AGBL1: variants seen among roughly 807,000 people sequenced by gnomAD.
The protein encoded by AGBL1 is cytosolic carboxypeptidase 4.
AGBL1 carries 130 observed loss-of-function variants against 118.9 expected under a neutral mutation model. The ratio of observed to expected loss-of-function variants is 1.09; its 90% CI spans 0.95 to 1.26. The LOEUF (loss-of-function observed/expected upper bound fraction) is 1.26. AGBL1 is among the 50% of genes most tolerant of loss of function. The pLI is 0.00. For synonymous variants in AGBL1, 555 were observed against 478.9 expected, an observed-to-expected ratio of 1.16 and a Z score of -2.08; for missense variants, 1,584 against 1,298.1, an observed-to-expected ratio of 1.22 and a Z score of -3.38.
intron 1 of AGBL1, among the ~76,000 whole-genome samples, chr15:86,134,599 G>T (rs2076861305): frequency 7.2e-6 from 1 of 139,566 alleles, no homozygotes; most frequent in African/African-American, 2.7e-5. Flanking sequence ...ATGGATCAAT[G>T]GTGCCTTTTT....
At chr15:86,285,754 A>T (rs1241532548) in intron 16 of AGBL1, among the ~76,000 whole-genome samples, 1 of 152,232 alleles carries the variant, frequency 6.6e-6, no homozygotes, top group Non-Finnish European at 1.5e-5. Flanking sequence ...AAATGTAATA[A>T]TAATAATAAC....
rs2079775627 is a variant in AGBL1, at chr15:86,874,409, C to CACACA, written c.3159-32678_3159-32677insACACA. On this transcript the variant is annotated intron_variant, in intron 22 of 22. Transcript: ENST00000614907. ...ACACACACACACACACACACACACA[C>CACACA]CCTGGGGCCAGTAACCTATGCATAA... Among the ~76,000 whole-genome samples the CACACA allele has an allele frequency of 4.0e-5, 6 of 151,100 alleles. No individual in the cohort carries two copies. The South Asian group carries it at 1.3e-3, about 32-fold the overall frequency.
chr15:86,339,889 C>G (rs2080435202), intron 17 of AGBL1, among the ~76,000 whole-genome samples: 1 of 151,948 alleles, frequency 6.6e-6, no homozygotes, highest in Non-Finnish European at 1.5e-5. Context: ...TCACTTGAAC[C>G]TGGGAGGCAG....
intron 22 of AGBL1, among the ~76,000 whole-genome samples, chr15:86,852,377 G>T (rs1356928899): frequency 6.6e-6 from 1 of 152,044 alleles, no homozygotes; most frequent in South Asian, 2.1e-4. Context: ...TCCCTCCTTC[G>T]ACACATGTGG....
Position 86,963,421 on chromosome 15 carries a change from C to T in AGBL1, c.3222-24566C>T, listed in dbSNP as rs191842748. On this transcript the variant is annotated intron_variant, in intron 23 of 24. Coordinates refer to the AGBL1 transcript ENST00000441037. ...AATTATATCATTTCAAAAATGCTTT[C>T]TTTGGATTAGTGCTGTCCTCAGATC... Among the ~76,000 whole-genome samples, 4 of 151,866 alleles carry T rather than the reference C, an allele frequency of 2.6e-5. No individual in the cohort carries two copies. The East Asian group carries it at 7.8e-4, about 30-fold the overall frequency.
rs1265763588 is a variant in AGBL1 at position 86,809,714 on chromosome 15, G to A, written c.3159-97373G>A. 3.3e-5 allele frequency among the ~76,000 whole-genome samples: 5 copies of A among 152,224 alleles called. No homozygotes were observed. The East Asian group carries it at 5.8e-4, about 18-fold the overall frequency. On this transcript the variant is annotated intron_variant, in intron 22 of 22. Transcript: ENST00000614907. Reference sequence around the variant, plus strand: ...ATATTGGGTCATTTTCTAGAGATATGTAGCTCTATTTGACTTAAATGAACA... The same window carrying A: ...ATATTGGGTCATTTTCTAGAGATATATAGCTCTATTTGACTTAAATGAACA...
Position 86,480,563 on chromosome 15 carries a change from C to T in AGBL1, c.2556-42247C>T, listed in dbSNP as rs146355181. ...CATGAGGATAAGAGTTTATTTGAATCTAGTACTATGAAAAGATGAATGTGA... is the reference window on the plus strand; with the variant it reads ...CATGAGGATAAGAGTTTATTTGAATTTAGTACTATGAAAAGATGAATGTGA... On this transcript the variant is annotated intron_variant, in intron 18 of 22. Coordinates refer to ENST00000614907, the MANE Select transcript of AGBL1 (RefSeq NM_001386094.1). 4.3e-4 allele frequency among the ~76,000 whole-genome samples: 66 copies of T among 151,882 alleles called. 1 individual carries two copies. In the East Asian group the frequency reaches 0.013, roughly 29 times the overall value.
At chr15:86,858,889 A>G (rs2079522741) in intron 22 of AGBL1, among the ~76,000 whole-genome samples, 1 of 152,138 alleles carries the variant, frequency 6.6e-6, no homozygotes, top group Non-Finnish European at 1.5e-5. Flanking sequence ...TCTCAGTTGT[A>G]TTATCTTTAA....
chr15:86,492,125 G>A (rs2142143744), intron 18 of AGBL1, among the ~76,000 whole-genome samples: 1 of 152,180 alleles, frequency 6.6e-6, no homozygotes, highest in South Asian at 2.1e-4. Flanking sequence ...AACTCATTAT[G>A]AGTGAAGCTA....
At chr15:86,888,366 A>G (rs1465125006) in intron 22 of AGBL1, among the ~76,000 whole-genome samples, 2 of 152,128 alleles carry the variant, frequency 1.3e-5, no homozygotes, top group Non-Finnish European at 2.9e-5. Flanking sequence ...TCAAAAGAAA[A>G]AAAAAAAAAG....
chr15:86,470,840 A>G (rs935260668), intron 18 of AGBL1, among the ~76,000 whole-genome samples: 4 of 152,080 alleles, frequency 2.6e-5, no homozygotes, highest in African/African-American at 7.2e-5. Context: ...TTGTTAGTGT[A>G]TAGAAATTTT....
chr15:86,489,766 A>G (rs999424306), intron 18 of AGBL1, among the ~76,000 whole-genome samples: 1 of 152,110 alleles, frequency 6.6e-6, no homozygotes, highest in African/African-American at 2.4e-5. Flanking sequence ...CTTGACTGAA[A>G]AAGTTTGCTG....
chr15:86,638,839 G>T (rs1277933144), intron 21 of AGBL1, among the ~76,000 whole-genome samples: 1 of 152,174 alleles, frequency 6.6e-6, no homozygotes, highest in African/African-American at 2.4e-5. Flanking sequence ...TCTGAGTGTG[G>T]CTCAGTTGGG....
intron 21 of AGBL1, among the ~76,000 whole-genome samples, chr15:86,568,233 G>T (rs534555694): frequency 2.0e-5 from 3 of 152,066 alleles, no homozygotes; most frequent in African/African-American, 7.2e-5. Context: ...AACAGTCTTC[G>T]TATGTGGACT....
chr15:86,897,291 T>C (rs2080142562), intron 22 of AGBL1, among the ~76,000 whole-genome samples: 1 of 152,224 alleles, frequency 6.6e-6, no homozygotes, highest in Non-Finnish European at 1.5e-5. Context: ...CAGGATTGAA[T>C]GGATGATTGA....
intron 22 of AGBL1, among the ~76,000 whole-genome samples, chr15:86,896,743 C>T (rs1375485695): frequency 1.3e-5 from 2 of 152,064 alleles, no homozygotes; most frequent in African/African-American, 2.4e-5. Flanking sequence ...GTTATAGCAT[C>T]ACCTTTCCAT....
At chr15:86,744,332 G>A (rs2077723104) in intron 22 of AGBL1, among the ~76,000 whole-genome samples, 1 of 152,070 alleles carries the variant, frequency 6.6e-6, no homozygotes, top group African/African-American at 2.4e-5. Flanking sequence ...GAATAAATTT[G>A]CCTTTATTGT....
Position 86,127,369 on chromosome 15 carries a change from A to T in AGBL1, c.52-14635A>T, listed in dbSNP as rs932991259. Among the ~76,000 whole-genome samples, 6 of 152,352 alleles carry T rather than the reference A, an allele frequency of 3.9e-5. No individual in the cohort carries two copies. In the East Asian group the frequency reaches 7.7e-4, roughly 20 times the overall value. Reference sequence around the variant, plus strand: ...ATCAATATCAGAGTCAATCTTTTATAAATGACGTGGGTCCTCCTATAGAAA... The same window carrying T: ...ATCAATATCAGAGTCAATCTTTTATTAATGACGTGGGTCCTCCTATAGAAA... On this transcript the variant is annotated intron_variant, in intron 1 of 22. Coordinates refer to ENST00000614907, the MANE Select transcript of AGBL1 (RefSeq NM_001386094.1).
At chr15:86,700,716 C>T (rs1409967229) in intron 22 of AGBL1, among the ~76,000 whole-genome samples, 1 of 152,064 alleles carries the variant, frequency 6.6e-6, no homozygotes, top group Non-Finnish European at 1.5e-5. Context: ...GTGTTTTATT[C>T]TGTGCCTCAA....
Sources: allele counts gnomAD v4.1 joint callset (sites outside exome capture counted in the v4.1 genomes callset), GRCh38; gene constraint gnomAD v4.1.1; transcripts MANE v1.5; gene names NCBI Gene and HGNC (gene_info 2026-07-23, HGNC 2026-07-21).